The following EBF2 variants were observed in gnomAD, a reference collection of about 807,000 sequenced individuals.
The protein encoded by EBF2 is transcription factor COE2.
Under a neutral mutation model 72.8 loss-of-function variants are expected in EBF2, and 21 were observed. The ratio of observed to expected loss-of-function variants is 0.29; its 90% CI spans 0.20 to 0.42. The LOEUF (loss-of-function observed/expected upper bound fraction) is 0.42, where lower values mean the gene tolerates loss of function less well. Among genes scored for constraint, EBF2 ranks in the 10% least tolerant of loss-of-function variants. The pLI is 1.00. For synonymous variants in EBF2, 299 were observed against 274.2 expected (o/e 1.09, Z -0.89); for missense variants, 637 against 731.2 (o/e 0.87, Z 1.49).
At chr8:25,878,720 T>C (rs12334871) in intron 10 of EBF2, among the ~76,000 whole-genome samples, 84,780 of 152,028 alleles carry the variant, frequency 0.56, 26,627 homozygotes, top group African/African-American at 0.85. Flanking sequence ...GATGCTATCC[T>C]TGATAGCATT....
intron 7 of EBF2, among the ~76,000 whole-genome samples, chr8:25,892,567 AT>A (rs1223562843): frequency 1.3e-5 from 2 of 151,970 alleles, no homozygotes; most frequent in Non-Finnish European, 2.9e-5. Flanking sequence ...TACTCTTCTG[AT>A]TTTTTTCTTT....
At chr8:25,912,243 A>C (rs1480920851) in intron 6 of EBF2, among the ~76,000 whole-genome samples, 1 of 152,152 alleles carries the variant, frequency 6.6e-6, no homozygotes, top group Non-Finnish European at 1.5e-5. Context: ...ATAAGCTTGT[A>C]AGTGGTGAAC....
chr8:25,942,291 A>G (rs576777582), intron 6 of EBF2, among the ~76,000 whole-genome samples: 4 of 152,374 alleles, frequency 2.6e-5, no homozygotes, highest in Admixed American at 6.5e-5. Flanking sequence ...GTGCAATTCT[A>G]TCAGATGTAC....
At chr8:26,043,884 A>G (rs578153810) in intron 1 of EBF2, among the ~76,000 whole-genome samples, 5 of 152,210 alleles carry the variant, frequency 3.3e-5, no homozygotes, top group South Asian at 2.1e-4. Flanking sequence ...TGGGACCGTA[A>G]TGTCTTCGTA....
At chr8:25,968,804 C>T (rs974126985) in intron 6 of EBF2, among the ~76,000 whole-genome samples, 16 of 152,166 alleles carry the variant, frequency 1.1e-4, no homozygotes, top group Non-Finnish European at 2.1e-4. Flanking sequence ...GTGATATGCC[C>T]GCCTAGGCCT....
intron 6 of EBF2, among the ~76,000 whole-genome samples, chr8:25,995,221 G>A (rs1219017166): frequency 5.3e-5 from 8 of 152,136 alleles, no homozygotes; most frequent in South Asian, 4.1e-4. Context: ...CAGGAGAATC[G>A]CTTGAATTTG....
At chr8:25,959,567 C>T (rs1804003839) in intron 6 of EBF2, among the ~76,000 whole-genome samples, 2 of 152,164 alleles carry the variant, frequency 1.3e-5, no homozygotes, top group Non-Finnish European at 2.9e-5. Context: ...TTTTTCTTCC[C>T]ATAGTGGGAC....
At chr8:25,978,512 G>A (rs1478684796) in intron 6 of EBF2, among the ~76,000 whole-genome samples, 2 of 152,170 alleles carry the variant, frequency 1.3e-5, no homozygotes, top group African/African-American at 2.4e-5. Flanking sequence ...CCATGATGGC[G>A]ATGAGGGGCA....
At chr8:26,004,631 C>T (rs1055564950) in intron 6 of EBF2, among the ~76,000 whole-genome samples, 1 of 142,952 alleles carries the variant, frequency 7.0e-6, no homozygotes, top group African/African-American at 2.6e-5. Context: ...GCCAAGATCA[C>T]CCCACTGCAC....
intron 6 of EBF2, among the ~76,000 whole-genome samples, chr8:25,968,839 C>T (rs951474475): frequency 3.3e-5 from 5 of 152,092 alleles, no homozygotes; most frequent in South Asian, 2.1e-4. Context: ...ATGACAGGCA[C>T]GAGCCACCGT....
intron 6 of EBF2, among the ~76,000 whole-genome samples, chr8:25,931,156 A>T (rs1803473945): frequency 6.6e-6 from 1 of 152,194 alleles, no homozygotes; most frequent in African/African-American, 2.4e-5. Context: ...CACTGGACTG[A>T]AGGGGCACAC....
chr8:26,008,599 A>G (rs1804921899), intron 6 of EBF2, among the ~76,000 whole-genome samples: 1 of 152,192 alleles, frequency 6.6e-6, no homozygotes, highest in Non-Finnish European at 1.5e-5. Flanking sequence ...TCTCGATTGC[A>G]AAGTGCTAAG....
chr8:25,852,014 G>C (rs1257554118), intron 14 of EBF2, among the ~76,000 whole-genome samples: 3 of 152,042 alleles, frequency 2.0e-5, no homozygotes, highest in Non-Finnish European at 2.9e-5. Flanking sequence ...AAAATCCAAA[G>C]ACTTCAAAAG....
intron 6 of EBF2, among the ~76,000 whole-genome samples, chr8:25,996,744 A>G (rs1804640043): frequency 6.6e-6 from 1 of 152,174 alleles, no homozygotes; most frequent in South Asian, 2.1e-4. Flanking sequence ...TAAATAATTT[A>G]AATATAAACT....
intron 6 of EBF2, among the ~76,000 whole-genome samples, chr8:25,984,660 C>T (rs1214958185): frequency 6.6e-6 from 1 of 150,972 alleles, no homozygotes; most frequent in African/African-American, 2.4e-5. Flanking sequence ...CCAGCCTGGG[C>T]GACAGAGCAA....
intron 6 of EBF2, among the ~76,000 whole-genome samples, chr8:25,984,683 A>C (rs1192186594): frequency 8.5e-6 from 1 of 117,046 alleles, no homozygotes; most frequent in Admixed American, 1.1e-4. Context: ...CTCCATCTCA[A>C]AAAAAAAAAA....
chr8:26,007,324 T>C (rs1165998629), intron 6 of EBF2, among the ~76,000 whole-genome samples: 2 of 152,172 alleles, frequency 1.3e-5, no homozygotes, highest in African/African-American at 4.8e-5. Flanking sequence ...ACACCCCCTG[T>C]GGCCTCTGAC....
intron 6 of EBF2, among the ~76,000 whole-genome samples, chr8:26,007,588 A>G (rs933736029): frequency 6.6e-6 from 1 of 152,180 alleles, no homozygotes; most frequent in Non-Finnish European, 1.5e-5. Flanking sequence ...GTTGCTGGGG[A>G]AGGGTTTCAC....
At chr8:25,845,842 A>G (rs1425610964) in intron 15 of EBF2, among the ~76,000 whole-genome samples, 1 of 152,190 alleles carries the variant, frequency 6.6e-6, no homozygotes, top group East Asian at 1.9e-4. Flanking sequence ...TCTACAATGC[A>G]TCTAAGGAAT....
Sources: gnomAD v4.1 joint callset for allele counts (sites outside exome capture counted in the v4.1 genomes callset) on GRCh38, gnomAD v4.1.1 for gene constraint, MANE v1.5 for transcripts, NCBI Gene and HGNC (gene_info 2026-07-23, HGNC 2026-07-21) for gene names.